The following CNR2 variants were observed in gnomAD, a reference collection of about 807,000 sequenced individuals.
CNR2 encodes the protein cannabinoid receptor 2 (macrophage).
For synonymous variants in CNR2, 172 were observed against 182.2 expected (o/e 0.94, Z 0.45); for missense variants, 379 against 439.9 (o/e 0.86, Z 1.24).
intron 1 of CNR2, among the ~76,000 whole-genome samples, chr1:23,903,277 C>G (rs990955761): frequency 1.4e-4 from 21 of 152,164 alleles, no homozygotes; most frequent in African/African-American, 4.8e-4. Flanking sequence ...AACCTGCTTT[C>G]TAATTTTCAA....
chr1:23,901,612 G>C, intron 1 of CNR2: 1 of 1,601,614 alleles, frequency 6.2e-7, no homozygotes, highest in Non-Finnish European at 8.6e-7. Context: ...AGCTGAGGTT[G>C]CTGCCGTCCA....
chr1:23,895,100 T>C (rs1459028759), intron 1 of CNR2, among the ~76,000 whole-genome samples: 1 of 151,972 alleles, frequency 6.6e-6, no homozygotes, highest in East Asian at 1.9e-4. Flanking sequence ...CGTGTGCCTA[T>C]AATCCCAGCT....
At chr1:23,911,350 C>T (rs941225241) in intron 1 of CNR2, among the ~76,000 whole-genome samples, 3 of 152,050 alleles carry the variant, frequency 2.0e-5, no homozygotes, top group African/African-American at 7.2e-5. Flanking sequence ...GGTTTCAGGT[C>T]TTACAAAGAA....
intron 1 of CNR2, among the ~76,000 whole-genome samples, chr1:23,898,243 T>C (rs1185749701): frequency 6.6e-6 from 1 of 151,868 alleles, no homozygotes; most frequent in Non-Finnish European, 1.5e-5. Flanking sequence ...TTCACCATGT[T>C]AGCCAGGATG....
chr1:23,875,231 A>C lies in CNR2; in HGVS notation c.387T>G (p.Ile129Met), dbSNP rs1006481868. 1.9e-6 allele frequency: 3 copies of C among 1,614,166 alleles called. No homozygotes were observed. Among genetic ancestry groups the C allele is most frequent in the Non-Finnish European group, 2.5e-6 (3 of 1,180,028 alleles). The change falls in exon 2 of 2, where the codon ATT becomes ATG. Residue 129 changes from isoleucine to methionine, a missense_variant. Transcript: ENST00000374472. ...ASVGSLLLTA[I>M]DRYLCLRYPP... The stretch of plus-strand genomic sequence containing the variant: ...GATAGCGCAGGCAGAGGTATCGGTC[A>C]ATGGCGGTCAGCAGGAGGCTACCCA...
intron 1 of CNR2, among the ~76,000 whole-genome samples, chr1:23,883,703 T>C (rs1436512968): frequency 1.3e-5 from 2 of 152,064 alleles, no homozygotes; most frequent in East Asian, 3.9e-4. Context: ...TGTGCGCCTG[T>C]AGTCCCACCT....
chr1:23,881,081 G>A (rs1048049225), intron 1 of CNR2, among the ~76,000 whole-genome samples: 1 of 151,112 alleles, frequency 6.6e-6, no homozygotes, highest in Admixed American at 6.6e-5. Flanking sequence ...TTAGAGACCA[G>A]CCTGGCCAAC....
chr1:23,879,646 G>A (rs760263912), intron 1 of CNR2, among the ~76,000 whole-genome samples: 2 of 152,070 alleles, frequency 1.3e-5, no homozygotes, highest in African/African-American at 2.4e-5. Context: ...AAATAAAATT[G>A]TGAATGACAA....
intron 1 of CNR2, among the ~76,000 whole-genome samples, chr1:23,906,270 G>A (rs1042570857): frequency 6.6e-6 from 1 of 151,922 alleles, no homozygotes; most frequent in African/African-American, 2.4e-5. Context: ...TGCAAATTAC[G>A]TCGTCTCCTT....
chr1:23,881,611 C>T (rs936158355), intron 1 of CNR2, among the ~76,000 whole-genome samples: 16 of 143,260 alleles, frequency 1.1e-4, no homozygotes, highest in Middle Eastern at 4.2e-3. Flanking sequence ...ATTGCTAGGC[C>T]GGGCATGGTG....
At chr1:23,900,911 G>A (rs1640387987) in intron 1 of CNR2, among the ~76,000 whole-genome samples, 1 of 152,108 alleles carries the variant, frequency 6.6e-6, no homozygotes, top group African/African-American at 2.4e-5. Flanking sequence ...GAATGCTGGG[G>A]GAGACTGATT....
chr1:23,910,215 C>T (rs1342982037), intron 1 of CNR2, among the ~76,000 whole-genome samples: 1 of 144,658 alleles, frequency 6.9e-6, no homozygotes. Flanking sequence ...CCTGCCTGGG[C>T]CTCCCAAAGT....
At chr1:23,905,170 A>ACTTTT (rs764435371) in intron 1 of CNR2, among the ~76,000 whole-genome samples, 240 of 148,582 alleles carry the variant, frequency 1.6e-3, no homozygotes, top group Non-Finnish European at 1.6e-3. Flanking sequence ...TCTGCACTTA[A>ACTTTT]CTTTTCTTTT....
At chr1:23,883,825 C>CA (rs1489919340) in intron 1 of CNR2, among the ~76,000 whole-genome samples, 1 of 151,734 alleles carries the variant, frequency 6.6e-6, no homozygotes, top group African/African-American at 2.4e-5. Flanking sequence ...ACTCCATCTC[C>CA]AAAAAACAAA....
intron 1 of CNR2, among the ~76,000 whole-genome samples, chr1:23,896,638 C>T (rs1557531018): frequency 6.6e-6 from 1 of 152,140 alleles, no homozygotes; most frequent in Non-Finnish European, 1.5e-5. Context: ...AGATGAGAGG[C>T]AGGAGGGAAG....
At chr1:23,881,650 A>C (rs1639990328) in intron 1 of CNR2, among the ~76,000 whole-genome samples, 1 of 151,076 alleles carries the variant, frequency 6.6e-6, no homozygotes, top group Non-Finnish European at 1.5e-5. Flanking sequence ...AGCCCTTTGG[A>C]GGCCGAGGCG....
chr1:23,886,133 G>C (rs1264746247), intron 1 of CNR2, among the ~76,000 whole-genome samples: 2 of 149,628 alleles, frequency 1.3e-5, no homozygotes, highest in Non-Finnish European at 2.9e-5. Flanking sequence ...AGATTTCAGT[G>C]AGCCAAGATT....
At chr1:23,885,186 GC>G (rs1042705796) in intron 1 of CNR2, among the ~76,000 whole-genome samples, 4 of 152,000 alleles carry the variant, frequency 2.6e-5, no homozygotes, top group Middle Eastern at 6.8e-3. Flanking sequence ...GATCCCTTGA[GC>G]CCGGGAGTTG....
chr1:23,887,345 C>G (rs1012080044), intron 1 of CNR2, among the ~76,000 whole-genome samples: 2 of 152,212 alleles, frequency 1.3e-5, no homozygotes, highest in Admixed American at 6.5e-5. Context: ...CCCAGGGACT[C>G]TCTTCCCTTG....
Sources: allele counts gnomAD v4.1 joint callset (sites outside exome capture counted in the v4.1 genomes callset), GRCh38; gene constraint gnomAD v4.1.1; transcripts MANE v1.5; gene names NCBI Gene and HGNC (gene_info 2026-07-23, HGNC 2026-07-21).